The following FOCAD variants were observed in gnomAD, a reference collection of about 807,000 sequenced individuals.
FOCAD encodes the protein KIAA1797.
In FOCAD, 198 loss-of-function variants were observed where a neutral mutation model predicts 225.6. The observed-to-expected ratio is 0.88, with a 90% CI of 0.78 to 0.99. The LOEUF is 0.99. FOCAD is among the 50% of genes least tolerant of loss of function. The probability of loss-of-function intolerance (pLI) is 0.00; values close to 1 mark genes in which losing one functional copy is unlikely to be tolerated. For synonymous variants in FOCAD, 897 were observed against 755.0 expected, an observed-to-expected ratio of 1.19 and a Z score of -3.08; for missense variants, 2,713 against 2,123.6, an observed-to-expected ratio of 1.28 and a Z score of -5.46.
At position 20,874,824 on chromosome 9, in the gene FOCAD, A is replaced by T. The variant is rs1830098434; in HGVS notation, c.2317+17A>T. The T allele has an allele frequency of 6.2e-7, 1 of 1,613,216 alleles. No homozygotes were observed. The highest frequency in any genetic ancestry group is 1.1e-5 in the South Asian group (1 of 91,066). ...TTTTACCAGGTGACTCCTATTTGGTAGTAGAGAAGCTAGCATTTTTTAGTG... is the reference window on the plus strand; with the variant it reads ...TTTTACCAGGTGACTCCTATTTGGTTGTAGAGAAGCTAGCATTTTTTAGTG... On this transcript the variant is annotated intron_variant, in intron 19 of 43. Transcript: ENST00000338382.
chr9:20,972,976 T>A (rs1214061594), intron 35 of FOCAD, among the ~76,000 whole-genome samples: 2 of 150,822 alleles, frequency 1.3e-5, no homozygotes, highest in Non-Finnish European at 3.0e-5. Context: ...CTGATTTACT[T>A]CTGCTGACTT....
intron 2 of FOCAD, among the ~76,000 whole-genome samples, chr9:20,676,095 TTAA>T (rs1409654054): frequency 6.6e-6 from 1 of 152,206 alleles, no homozygotes; most frequent in Non-Finnish European, 1.5e-5. Context: ...GTTGGACAAA[TTAA>T]TAAAGCTTGT....
At chr9:20,856,323 T>C (rs1368836700) in intron 15 of FOCAD, among the ~76,000 whole-genome samples, 2 of 151,974 alleles carry the variant, frequency 1.3e-5, no homozygotes, top group Non-Finnish European at 2.9e-5. Context: ...TCATTGTAGT[T>C]TTAATTTGCA....
At position 20,797,061 on chromosome 9, in the gene FOCAD, ATTAAATAGGGAATCT is replaced by A. The variant is rs1821196184; in HGVS notation, c.1455+7458_1455+7472del. On this transcript the variant is annotated intron_variant, in intron 11 of 43. Transcript: ENST00000338382. Reference sequence around the variant, plus strand: ...CTAGCCAGTTTTCCCACCATCATTTATTAAATAGGGAATCTTTAACCCATTTCTTGTTTTTTGTGA... The same window carrying A: ...CTAGCCAGTTTTCCCACCATCATTTATTAACCCATTTCTTGTTTTTTGTGA... Among the ~76,000 whole-genome samples, 6 of 152,314 alleles carry A rather than the reference ATTAAATAGGGAATCT, an allele frequency of 3.9e-5. No individual in the cohort carries two copies. The South Asian group carries it at 1.2e-3, about 32-fold the overall frequency.
chr9:20,886,599 G>A (rs1016986111), intron 21 of FOCAD, among the ~76,000 whole-genome samples: 13 of 152,320 alleles, frequency 8.5e-5, no homozygotes, highest in African/African-American at 2.9e-4. Context: ...AAATCTTTGG[G>A]TTAAGATACT....
At chr9:20,870,738 A>G (rs1386193557) in intron 18 of FOCAD, among the ~76,000 whole-genome samples, 2 of 152,164 alleles carry the variant, frequency 1.3e-5, no homozygotes, top group Non-Finnish European at 2.9e-5. Context: ...GGCTAATGTA[A>G]GTGTTCTGAG....
chr9:20,910,471 C>CT (rs1833348877), intron 22 of FOCAD, among the ~76,000 whole-genome samples: 1 of 151,970 alleles, frequency 6.6e-6, no homozygotes, highest in Non-Finnish European at 1.5e-5. Context: ...CAATTTATAC[C>CT]TTTTTTGCTT....
intron 35 of FOCAD, among the ~76,000 whole-genome samples, chr9:20,973,945 C>A (rs1345375088): frequency 9.6e-6 from 1 of 104,026 alleles, no homozygotes; most frequent in Non-Finnish European, 2.1e-5. Context: ...CTCCTTTTTC[C>A]TATGTTTCTC....
At chr9:20,722,701 TAAAA>T (rs1257476429) in intron 4 of FOCAD, among the ~76,000 whole-genome samples, 1 of 152,238 alleles carries the variant, frequency 6.6e-6, no homozygotes, top group South Asian at 2.1e-4. Context: ...GTATACCAAT[TAAAA>T]AAGTAGTTTT....
At chr9:20,882,297 GA>G (rs1830739500) in intron 20 of FOCAD, among the ~76,000 whole-genome samples, 1 of 152,192 alleles carries the variant, frequency 6.6e-6, no homozygotes, top group Non-Finnish European at 1.5e-5. Flanking sequence ...CACCTTGGGG[GA>G]TACCCACTCA....
intron 2 of FOCAD, among the ~76,000 whole-genome samples, chr9:20,678,813 C>T (rs1317390791): frequency 6.6e-6 from 1 of 152,164 alleles, no homozygotes; most frequent in Non-Finnish European, 1.5e-5. Flanking sequence ...ATTTGGGGGC[C>T]CCAATGTTAC....
intron 11 of FOCAD, among the ~76,000 whole-genome samples, chr9:20,800,421 T>A (rs1480028517): frequency 1.3e-5 from 2 of 152,168 alleles, no homozygotes; most frequent in Non-Finnish European, 2.9e-5. Context: ...GAAGTTCTCC[T>A]GGATGATATC....
chr9:20,918,184 A>G (rs1194537627), intron 24 of FOCAD, among the ~76,000 whole-genome samples: 2 of 152,200 alleles, frequency 1.3e-5, no homozygotes, highest in East Asian at 1.9e-4. Context: ...CATATATCCT[A>G]TTAAAAGCAG....
intron 15 of FOCAD, among the ~76,000 whole-genome samples, chr9:20,856,754 A>G (rs961043849): frequency 1.3e-5 from 2 of 151,836 alleles, no homozygotes; most frequent in African/African-American, 4.8e-5. Flanking sequence ...ATCCATTTTG[A>G]TTTGATTTTT....
chr9:20,712,144 A>AT (rs1311043785), intron 1 of FOCAD, among the ~76,000 whole-genome samples: 4 of 152,208 alleles, frequency 2.6e-5, no homozygotes, highest in Non-Finnish European at 5.9e-5. Context: ...AGATTCCTGT[A>AT]TTCGACTTTC....
chr9:20,976,507 A>T lies in FOCAD; in HGVS notation c.4220A>T (p.Asn1407Ile). Reference protein sequence around the residue: ...VGESYQYPPVNWAALLSPLMR... With the variant: ...VGESYQYPPVIWAALLSPLMR... ...GAAAGCTACCAATATCCTCCTGTGA[A>T]CTGGGCTGCACTTCTCTCTCCACTT... The change falls in exon 36 of 44, where the codon AAC (asparagine) becomes ATC (isoleucine). Residue 1407 changes from asparagine to isoleucine, a missense_variant. Physicochemically the swap from Asn to Ile is moderately radical, Grantham distance 149. Transcript: ENST00000338382. 3 of 1,613,342 alleles carry T rather than the reference A, an allele frequency of 1.9e-6. No homozygotes were observed. Among genetic ancestry groups the T allele is most frequent in the Non-Finnish European group, 8.5e-7 (1 of 1,179,380 alleles).
upstream of FOCAD, among the ~76,000 whole-genome samples, chr9:20,683,106 G>A (rs1258491871): frequency 6.6e-6 from 1 of 152,250 alleles, no homozygotes; most frequent in Non-Finnish European, 1.5e-5. Flanking sequence ...TGAATGCATA[G>A]TTGGTTATTG....
In FOCAD at chr9:20,911,338, G is replaced by A. The variant is rs539500380; in HGVS notation, c.2719-1528G>A. Among the ~76,000 whole-genome samples, 11 of 152,254 alleles carry A rather than the reference G, an allele frequency of 7.2e-5. No homozygotes were observed. The South Asian group carries it at 1.9e-3, about 26-fold the overall frequency. On this transcript the variant is annotated intron_variant, in intron 22 of 43. Transcript: ENST00000338382. ...ACTGGTGAGCCCCAGGGTATGGTGA[G>A]TCGGGAGTTGTGCTAAATACACAAA...
chr9:20,757,969 A>C, intron 5 of FOCAD, 121 bp from the exon 6 acceptor site: 2 of 498,670 alleles, frequency 4.0e-6, no homozygotes, highest in South Asian at 3.8e-5. Context: ...TTTTGTGACA[A>C]TTATGAATCG....
Sources: allele counts gnomAD v4.1 joint callset (sites outside exome capture counted in the v4.1 genomes callset), GRCh38; gene constraint gnomAD v4.1.1; transcripts MANE v1.5; gene names NCBI Gene and HGNC (gene_info 2026-07-23, HGNC 2026-07-21).